MOB3B: variants seen among roughly 807,000 people sequenced by gnomAD.
The protein encoded by MOB3B is MOB kinase activator-like 2B.
Under a neutral mutation model 18.7 loss-of-function variants are expected in MOB3B, and 7 were observed. The ratio of observed to expected loss-of-function variants is 0.37; its 90% CI spans 0.21 to 0.70. MOB3B has a LOEUF of 0.70. Ranked by LOEUF, MOB3B falls within the 30% of genes least tolerant of loss-of-function variation. MOB3B has a pLI of 0.52. For synonymous variants in MOB3B, 111 were observed against 99.9 expected, an observed-to-expected ratio of 1.11 and a Z score of -0.66; for missense variants, 253 against 281.3, an observed-to-expected ratio of 0.90 and a Z score of 0.72.
intron 1 of MOB3B, among the ~76,000 whole-genome samples, chr9:27,483,581 GA>G (rs1819695035): frequency 6.6e-6 from 1 of 152,162 alleles, no homozygotes; most frequent in South Asian, 2.1e-4. Flanking sequence ...TAGCTCCTGA[GA>G]AAACAGAGCT....
rs187303526 is a variant in MOB3B, at chr9:27,474,081, C to G, written c.-198-18333G>C. 1.8e-3 allele frequency among the ~76,000 whole-genome samples: 276 copies of G among 152,258 alleles called. 7 individuals carry two copies. The highest frequency in any genetic ancestry group is 0.016 in the Admixed American group (251 of 15,290). On this transcript the variant is annotated intron_variant, in intron 1 of 3. Coordinates refer to ENST00000262244, the MANE Select transcript of MOB3B (RefSeq NM_024761.5). ...AAATAGATTTTCTGTTGTTTATAAG[C>G]CACCCAGTCTAAGGTATCTTGTTAC... is the stretch of plus-strand genomic sequence containing the variant.
chr9:27,355,687 G>A (rs2131352507), intron 3 of MOB3B, among the ~76,000 whole-genome samples: 1 of 151,670 alleles, frequency 6.6e-6, no homozygotes, highest in Non-Finnish European at 1.5e-5. Flanking sequence ...AGCCTCCCGA[G>A]TGGCTGGGAC....
At chr9:27,468,308 C>T (rs971229459) in intron 1 of MOB3B, among the ~76,000 whole-genome samples, 1 of 152,156 alleles carries the variant, frequency 6.6e-6, no homozygotes, top group Non-Finnish European at 1.5e-5. Flanking sequence ...GAGCTTTAGG[C>T]CTGACAGTCC....
chr9:27,380,326 A>G (rs997818858), intron 2 of MOB3B, among the ~76,000 whole-genome samples: 1 of 145,208 alleles, frequency 6.9e-6, no homozygotes, highest in Non-Finnish European at 1.5e-5. Flanking sequence ...GTGCAGTGGC[A>G]TGATCTTGGC....
intron 1 of MOB3B, among the ~76,000 whole-genome samples, chr9:27,512,561 T>C (rs142059924): frequency 4.8e-4 from 73 of 152,322 alleles, no homozygotes; most frequent in African/African-American, 1.8e-3. Context: ...TTAGTTTTTC[T>C]GTGACACAAG....
chr9:27,483,608 G>A (rs1303918016), intron 1 of MOB3B, among the ~76,000 whole-genome samples: 1 of 152,164 alleles, frequency 6.6e-6, no homozygotes, highest in African/African-American at 2.4e-5. Context: ...TAAATTGAAT[G>A]ACATACTTAC....
chr9:27,375,853 C>A (rs1485823020), intron 2 of MOB3B, among the ~76,000 whole-genome samples: 1 of 152,184 alleles, frequency 6.6e-6, no homozygotes, highest in Non-Finnish European at 1.5e-5. Flanking sequence ...GAAAAAACTT[C>A]TAATCTACAA....
At chr9:27,395,771 C>T (rs1420588522) in intron 2 of MOB3B, among the ~76,000 whole-genome samples, 4 of 152,290 alleles carry the variant, frequency 2.6e-5, no homozygotes, top group African/African-American at 9.6e-5. Context: ...CCAAGCTGAC[C>T]AGGGCTGAGT....
chr9:27,461,422 A>T (rs946723187), intron 1 of MOB3B, among the ~76,000 whole-genome samples: 1 of 152,098 alleles, frequency 6.6e-6, no homozygotes, highest in African/African-American at 2.4e-5. Flanking sequence ...CAGCTTTGCT[A>T]TTTTTTTCCC....
chr9:27,408,767 C>T (rs1563861470), intron 2 of MOB3B, among the ~76,000 whole-genome samples: 1 of 152,168 alleles, frequency 6.6e-6, no homozygotes, highest in Non-Finnish European at 1.5e-5. Context: ...AATACACTTG[C>T]TCTGGGGAGC....
At chr9:27,356,619 T>C (rs948517231) in intron 3 of MOB3B, among the ~76,000 whole-genome samples, 1 of 152,228 alleles carries the variant, frequency 6.6e-6, no homozygotes, top group Non-Finnish European at 1.5e-5. Context: ...TTCTGATCCC[T>C]TAGCTCTGTG....
chr9:27,479,962 CAGG>C (rs1305851201), intron 1 of MOB3B, among the ~76,000 whole-genome samples: 4 of 151,044 alleles, frequency 2.6e-5, no homozygotes, highest in African/African-American at 9.8e-5. Context: ...GAAGCTGAGG[CAGG>C]AGAATTGCTT....
Position 27,403,463 on chromosome 9 carries a change from T to C in MOB3B, c.419-44227A>G, listed in dbSNP as rs541548257. On this transcript the variant is annotated intron_variant, in intron 2 of 3. Transcript: ENST00000262244. ...GTTAAGATCCCAAAGAGAAACACACTAAAGTTATCTCTATCTCCTAAACTG... is the reference window on the plus strand; with the variant it reads ...GTTAAGATCCCAAAGAGAAACACACCAAAGTTATCTCTATCTCCTAAACTG... Among the ~76,000 whole-genome samples the C allele has an allele frequency of 5.7e-4, 85 of 149,454 alleles. 1 individual carries two copies. The highest frequency in any genetic ancestry group is 2.0e-3 in the African/African-American group (81 of 40,940).
chr9:27,419,958 GA>G (rs74178387), intron 2 of MOB3B, among the ~76,000 whole-genome samples: 53,762 of 151,472 alleles, frequency 0.35, 9,724 homozygotes, highest in Non-Finnish European at 0.38. Flanking sequence ...AAATTAGTAA[GA>G]AAAAAACAAA....
At chr9:27,443,515 G>A (rs1822627424) in intron 2 of MOB3B, among the ~76,000 whole-genome samples, 1 of 152,132 alleles carries the variant, frequency 6.6e-6, no homozygotes, top group South Asian at 2.1e-4. Flanking sequence ...TAAATATCAG[G>A]ATTTAGTTGG....
intron 2 of MOB3B, among the ~76,000 whole-genome samples, chr9:27,359,552 A>T (rs1004783465): frequency 1.3e-5 from 2 of 152,226 alleles, no homozygotes; most frequent in African/African-American, 4.8e-5. Context: ...GACCTGCTGC[A>T]TTTTTTAAAC....
chr9:27,339,208 G>C (rs1348465795), intron 3 of MOB3B, among the ~76,000 whole-genome samples: 1 of 152,198 alleles, frequency 6.6e-6, no homozygotes, highest in African/African-American at 2.4e-5. Flanking sequence ...AAGGGACCAG[G>C]AGTCAATGGT....
chr9:27,410,245 T>C (rs754200796), intron 2 of MOB3B, among the ~76,000 whole-genome samples: 14 of 152,158 alleles, frequency 9.2e-5, no homozygotes, highest in Non-Finnish European at 1.8e-4. Context: ...AAAGTGAGTA[T>C]GACATTTAGG....
intron 2 of MOB3B, among the ~76,000 whole-genome samples, chr9:27,444,933 G>A (rs1395034749): frequency 6.6e-6 from 1 of 152,128 alleles, no homozygotes; most frequent in Non-Finnish European, 1.5e-5. Flanking sequence ...TTTAAAAGTG[G>A]AATGTATCAC....
Sources: allele counts gnomAD v4.1 joint callset (sites outside exome capture counted in the v4.1 genomes callset), GRCh38; gene constraint gnomAD v4.1.1; transcripts MANE v1.5; gene names NCBI Gene and HGNC (gene_info 2026-07-23, HGNC 2026-07-21).